The following AAMP variants were observed in gnomAD, a reference collection of about 807,000 sequenced individuals.
AAMP encodes the protein angio associated migratory cell protein, also known as angio-associated migratory cell protein.
AAMP carries 12 observed loss-of-function variants against 51.1 expected under a neutral mutation model. The observed-to-expected ratio is 0.23, with a 90% CI of 0.15 to 0.38. AAMP has a LOEUF of 0.38. AAMP is among the 10% of genes least tolerant of loss of function. The pLI, the probability that AAMP is intolerant of heterozygous loss-of-function variation, is 1.00. For missense variants in AAMP, 418 were observed against 557.2 expected, an observed-to-expected ratio of 0.75 and a Z score of 2.52; for synonymous variants, 210 against 218.7, an observed-to-expected ratio of 0.96 and a Z score of 0.35.
rs1389439323 is a variant in AAMP, at chr2:218,266,286, A to G, written c.680-139T>C. 1.4e-5 allele frequency: 19 copies of G among 1,313,680 alleles called. No individual in the cohort carries two copies. The East Asian group carries it at 4.2e-4, about 29-fold the overall frequency. The allele number at this position is 1,313,680 out of a possible 1,614,324, so 81.4% of individuals were successfully genotyped here. On this transcript the variant is annotated intron_variant, in intron 5 of 10. Coordinates refer to ENST00000248450, the MANE Select transcript of AAMP (RefSeq NM_001087.5). This position sits in a 1 kb window ranked among gnomAD's most constrained non-coding sequence, Gnocchi z 4.7. ...AATCACAGGTGAGTTCAGAGCAGGA[A>G]GGAGGCGCTGTGAACTTTGGGGCCC...
rs1209139069 is a variant in AAMP at position 218,264,574 on chromosome 2, G to C, written c.1264C>G (p.His422Asp). The C allele has an allele frequency of 6.2e-7, 1 of 1,614,004 alleles. No homozygotes were observed. Among genetic ancestry groups the C allele is most frequent in the Non-Finnish European group, 8.5e-7 (1 of 1,180,006 alleles). Residue 422 changes from histidine (H) to aspartate (D), a missense_variant, in exon 11 of 11, where the codon CAC becomes GAC. Coordinates refer to ENST00000248450, the MANE Select transcript of AAMP (RefSeq NM_001087.5). ...TGGACACAAAATACTTTCGCTTTGTGGTCTCCTGACGTGGTCACCACCAGG... is the reference window on the plus strand; with the variant it reads ...TGGACACAAAATACTTTCGCTTTGTCGTCTCCTGACGTGGTCACCACCAGG... ...ASLVVTTSGD[H>D]KAKVFCVQRP...
intron 10 of AAMP, among the ~76,000 whole-genome samples, 191 bp from the exon 11 acceptor site, chr2:218,264,799 G>A (rs564287399): frequency 3.3e-5 from 5 of 152,268 alleles, no homozygotes; most frequent in South Asian, 4.1e-4. Context: ...AGCTGACTCC[G>A]ATGGGGAAAA....
chr2:218,269,319 CTGA>C, intron 2 of AAMP, 60 bp downstream of exon 2: 1 of 1,600,748 alleles, frequency 6.2e-7, no homozygotes, highest in South Asian at 1.1e-5. Flanking sequence ...CTGTCCATGG[CTGA>C]TGTTTAATGC....
rs372583826 is a variant in AAMP at position 218,266,082 on chromosome 2, G to A, written c.745C>T (p.Pro249Ser). ...IRIWDLKQGS[P>S]IHVLKGTEGH... ...CTGATACCTTTCAGTACATGGATAG[G>A]GCTTCCCTGCTTCAGGTCCCAAATC... Residue 249 changes from proline (P) to serine (S), a missense_variant, in exon 6 of 11, where the codon CCT becomes TCT. Pro to Ser is a moderately conservative substitution (Grantham distance 74). Transcript: ENST00000248450. The surrounding 1 kb of genome is among the most constrained non-coding windows in gnomAD (Gnocchi z 4.7). 32 of 1,614,004 alleles carry A rather than the reference G, an allele frequency of 2.0e-5. No homozygotes were observed. The highest frequency in any genetic ancestry group is 2.3e-5 in the Non-Finnish European group (27 of 1,180,014).
chr2:218,269,631 CGAGAAGG>C (rs1470173677), intron 1 of AAMP, 97 bp from the exon 2 acceptor site: 1 of 1,592,594 alleles, frequency 6.3e-7, no homozygotes, highest in Non-Finnish European at 8.6e-7. Flanking sequence ...GGTCATGTGG[CGAGAAGG>C]GAAGGTGGAG....
At position 218,266,795 on chromosome 2, in the gene AAMP, C is replaced by A. The variant is rs1324983094; in HGVS notation, c.534+52G>T. 5 of 1,607,252 alleles carry A rather than the reference C, an allele frequency of 3.1e-6. No individual in the cohort carries two copies. The highest frequency in any genetic ancestry group is 4.3e-6 in the Non-Finnish European group (5 of 1,175,850). On this transcript the variant is annotated intron_variant, in intron 4 of 10. Coordinates refer to ENST00000248450, the MANE Select transcript of AAMP (RefSeq NM_001087.5). This position sits in a 1 kb window ranked among gnomAD's most constrained non-coding sequence, Gnocchi z 4.7. The stretch of plus-strand genomic sequence containing the variant: ...GCAGAACTGGCCTCCCAAGCTTGCA[C>A]CCCCAACAACCCAAGGCCCCACAGA...
At chr2:218,269,118 C>A (rs1274133496) in intron 2 of AAMP, among the ~76,000 whole-genome samples, 2 of 152,236 alleles carry the variant, frequency 1.3e-5, no homozygotes, top group Admixed American at 6.5e-5. Flanking sequence ...CAGGAGTGAG[C>A]CACCACGCCC....
chr2:218,267,537 G>A lies in AAMP; in HGVS notation c.351C>T (p.Phe117=), dbSNP rs755606033. ...GCTCCCCATCGCTGAGCCGCCATAC[G>A]AAGGCTTTGTCATCTTCACCCCCGG... ...AVTGGEDDKA[F]VWRLSDGELL... The change falls in exon 3 of 11, where the codon TTC becomes TTT. Residue 117 remains phenylalanine (F), a synonymous_variant. Coordinates refer to ENST00000248450, the MANE Select transcript of AAMP (RefSeq NM_001087.5). This position sits in a 1 kb window ranked among gnomAD's most constrained non-coding sequence, Gnocchi z 4.6. 8.7e-6 allele frequency: 14 copies of A among 1,613,956 alleles called. No homozygotes were observed. Among genetic ancestry groups the A allele is most frequent in the Admixed American group, 5.0e-5 (3 of 59,994 alleles).
At position 218,266,484 on chromosome 2, in the gene AAMP, C is replaced by T; in HGVS notation, c.638G>A (p.Gly213Asp). The T allele has an allele frequency of 6.2e-7, 1 of 1,614,094 alleles. No homozygotes were observed. Among genetic ancestry groups the T allele is most frequent in the African/African-American group, 1.3e-5 (1 of 75,028 alleles). ...GCCACAGGTGGCTGGGCAGTTGGGA[C>T]CCTGGAAGGTCTTGCAGTCACCATT... ...VPNGDCKTFQ[G>D]PNCPATCGRV... is the part of the protein sequence containing the mutation. Residue 213 changes from glycine (G) to aspartate (D), a missense_variant, in exon 5 of 11, where the codon GGT becomes GAT. Coordinates refer to ENST00000248450, the MANE Select transcript of AAMP (RefSeq NM_001087.5). The surrounding 1 kb of genome is among the most constrained non-coding windows in gnomAD (Gnocchi z 4.7).
At position 218,265,497 on chromosome 2, in the gene AAMP, G is replaced by T; in HGVS notation, c.984-36C>A. 6.4e-7 allele frequency: 1 copy of T among 1,571,844 alleles called. No individual in the cohort carries two copies. The highest frequency in any genetic ancestry group is 8.7e-7 in the Non-Finnish European group (1 of 1,147,306). ...GAGCGTACCATGAAGACTCATGAGG[G>T]CCTGGACTCACACGCCCTGCCGTCC... On this transcript the variant is annotated intron_variant, in intron 8 of 10. Transcript: ENST00000248450. The surrounding 1 kb of genome is among the most constrained non-coding windows in gnomAD (Gnocchi z 6.6).
rs1690728886 is a variant in AAMP, at chr2:218,269,496, C to T, written c.160G>A (p.Glu54Lys). 1 of 1,614,240 alleles carries T rather than the reference C, an allele frequency of 6.2e-7. No homozygotes were observed. Among genetic ancestry groups the T allele is most frequent in the Non-Finnish European group, 8.5e-7 (1 of 1,180,046 alleles). Reference protein sequence around the residue: ...AQEMEDVDFEEEEEEEGNEEG... With the variant: ...AQEMEDVDFEKEEEEEGNEEG... ...TCGTTGCCCTCTTCCTCCTCTTCTTCCTCAAAGTCCACATCTTCCATCTCC... is the reference window on the plus strand; with the variant it reads ...TCGTTGCCCTCTTCCTCCTCTTCTTTCTCAAAGTCCACATCTTCCATCTCC... Residue 54 changes from glutamate to lysine, a missense_variant, in exon 2 of 11, where the codon GAA becomes AAA. Coordinates refer to ENST00000248450, the MANE Select transcript of AAMP (RefSeq NM_001087.5).
At position 218,264,363 on chromosome 2, in the gene AAMP, G is replaced by T. The variant is rs1369706496; in HGVS notation, c.*170C>A. The stretch of plus-strand genomic sequence containing the variant: ...CAAGGGTGGGAGGGCCCTGGGCTGG[G>T]TCTCTAAAGAGAAGAAAAGGAGAGG... On this transcript the variant is annotated 3_prime_UTR_variant, in exon 11 of 11. Transcript: ENST00000248450. The T allele has an allele frequency of 2.7e-5, 18 of 666,110 alleles. No individual in the cohort carries two copies. In the East Asian group the frequency reaches 4.5e-4, roughly 17 times the overall value. The allele number at this position is 666,110 out of a possible 1,614,324, so 41.3% of individuals were successfully genotyped here.
intron 2 of AAMP, 134 bp downstream of exon 2, chr2:218,269,248 C>G: frequency 1.7e-6 from 2 of 1,179,726 alleles, no homozygotes; most frequent in Non-Finnish European, 2.5e-6. Flanking sequence ...CACTTTCCCA[C>G]CTGTGGGCTC....
Position 218,264,348 on chromosome 2 carries a change from A to C in AAMP, c.*185T>G. On this transcript the variant is annotated 3_prime_UTR_variant, in exon 11 of 11. Coordinates refer to ENST00000248450, the MANE Select transcript of AAMP (RefSeq NM_001087.5). ...CCCACCAGGTCTGGACAAGGGTGGG[A>C]GGGCCCTGGGCTGGGTCTCTAAAGA... 1.6e-6 allele frequency: 1 copy of C among 608,068 alleles called. No homozygotes were observed. The allele number at this position is 608,068 out of a possible 1,614,324, so 37.7% of individuals were successfully genotyped here. A position where few individuals can be genotyped will look rare whatever the true frequency, so the allele number is the denominator to read the frequency against.
chr2:218,270,011 C>G lies in AAMP; in HGVS notation c.76G>C (p.Glu26Gln). Reference protein sequence around the residue: ...LETLSFHGDEEIIEVVELDPG... With the variant: ...LETLSFHGDEQIIEVVELDPG... Reference sequence around the variant, plus strand: ...TCAAGTTCTACCACCTCGATAATCTCTTCATCACCATGGAAGCTTAGGGTC... The same window carrying G: ...TCAAGTTCTACCACCTCGATAATCTGTTCATCACCATGGAAGCTTAGGGTC... The change falls in exon 1 of 11, where the codon GAG becomes CAG. Residue 26 changes from glutamate to glutamine, a missense_variant. By Grantham distance (29) the Glu-to-Gln change is conservative. Coordinates refer to ENST00000248450, the MANE Select transcript of AAMP (RefSeq NM_001087.5). The G allele has an allele frequency of 6.2e-7, 1 of 1,614,158 alleles. No homozygotes were observed. The highest frequency in any genetic ancestry group is 1.6e-4 in the Middle Eastern group (1 of 6,062).
At chr2:218,269,146 TAAAAG>T (rs1183286759) in intron 2 of AAMP, among the ~76,000 whole-genome samples, 5 of 152,186 alleles carry the variant, frequency 3.3e-5, no homozygotes, top group Non-Finnish European at 7.3e-5. Context: ...GATAACTTTT[TAAAAG>T]AAAACTAAGA....
chr2:218,267,312 G>A lies in AAMP; in HGVS notation c.394+182C>T. On this transcript the variant is annotated intron_variant, in intron 3 of 10. Coordinates refer to ENST00000248450, the MANE Select transcript of AAMP (RefSeq NM_001087.5). This position sits in a 1 kb window ranked among gnomAD's most constrained non-coding sequence, Gnocchi z 4.6. ...TCCTGGATTCCCTTGGCCAATTAGT[G>A]CCTCCTGCCTCTGTGCCCAAAACAC... 1.1e-6 allele frequency: 1 copy of A among 922,754 alleles called. No homozygotes were observed. The highest frequency in any genetic ancestry group is 1.6e-6 in the Non-Finnish European group (1 of 611,188). 57.2% of individuals were successfully genotyped at this position (922,754 alleles called of 1,614,324 possible). A position where few individuals can be genotyped will look rare whatever the true frequency, so the allele number is the denominator to read the frequency against.
Position 218,266,216 on chromosome 2 carries a change from G to T in AAMP, c.680-69C>A. The T allele has an allele frequency of 6.8e-7, 1 of 1,473,954 alleles. No homozygotes were observed. The highest frequency in any genetic ancestry group is 9.5e-7 in the Non-Finnish European group (1 of 1,055,314). The allele number at this position is 1,473,954 out of a possible 1,614,324, so 91.3% of individuals were successfully genotyped here. A position where few individuals can be genotyped will look rare whatever the true frequency, so the allele number is the denominator to read the frequency against. ...CATACACTAAGCAAGGGAATGGGGA[G>T]AGGGAGAGGAAAGAAGAGTGGAAGG... On this transcript the variant is annotated intron_variant, in intron 5 of 10. Coordinates refer to ENST00000248450, the MANE Select transcript of AAMP (RefSeq NM_001087.5). This position sits in a 1 kb window ranked among gnomAD's most constrained non-coding sequence, Gnocchi z 4.7.
chr2:218,268,540 C>T lies in AAMP; in HGVS notation c.274+842G>A, dbSNP rs192741218. Reference sequence around the variant, plus strand: ...TATTTTTAGTAGAGATGAGGTTTCACCATGTCGGCCAGGCTGGTCTTGAAC... The same window carrying T: ...TATTTTTAGTAGAGATGAGGTTTCATCATGTCGGCCAGGCTGGTCTTGAAC... On this transcript the variant is annotated intron_variant, in intron 2 of 10. Coordinates refer to ENST00000248450, the MANE Select transcript of AAMP (RefSeq NM_001087.5). Among the ~76,000 whole-genome samples the T allele has an allele frequency of 7.3e-4, 111 of 151,518 alleles. 1 individual carries two copies. The East Asian group carries it at 0.021, about 29-fold the overall frequency.
Sources: allele counts gnomAD v4.1 joint callset (sites outside exome capture counted in the v4.1 genomes callset), GRCh38; gene constraint gnomAD v4.1.1; non-coding constraint Gnocchi (gnomAD v3.1); transcripts MANE v1.5; gene names NCBI Gene and HGNC (gene_info 2026-07-23, HGNC 2026-07-21).